The following SYNDIG1 variants were observed in gnomAD, a reference collection of about 807,000 sequenced individuals.
SYNDIG1 encodes synapse differentiation inducing 1.
In SYNDIG1, 9 loss-of-function variants were observed where a neutral mutation model predicts 19.4. The ratio of observed to expected loss-of-function variants is 0.46; its 90% CI spans 0.28 to 0.81. SYNDIG1 has a LOEUF of 0.81. Ranked by LOEUF, SYNDIG1 falls within the 30% of genes least tolerant of loss-of-function variation. The probability of loss-of-function intolerance (pLI) is 0.12; values close to 1 mark genes in which losing one functional copy is unlikely to be tolerated. For synonymous variants in SYNDIG1, 141 were observed against 145.9 expected (o/e 0.97, Z 0.24); for missense variants, 311 against 343.3 (o/e 0.91, Z 0.74).
At chr20:24,511,394 C>A (rs1372460948) in intron 1 of SYNDIG1, among the ~76,000 whole-genome samples, 3 of 152,154 alleles carry the variant, frequency 2.0e-5, no homozygotes, top group African/African-American at 7.2e-5. Flanking sequence ...GTGTTTTCAG[C>A]ATAGAACTTT....
At chr20:24,613,693 C>G (rs1371124334) in intron 3 of SYNDIG1, among the ~76,000 whole-genome samples, 1 of 152,192 alleles carries the variant, frequency 6.6e-6, no homozygotes, top group Non-Finnish European at 1.5e-5. Flanking sequence ...CTCCCAGAGC[C>G]CTTCTAGACT....
intron 2 of SYNDIG1, among the ~76,000 whole-genome samples, chr20:24,561,321 A>T (rs2057941551): frequency 6.6e-6 from 1 of 152,166 alleles, no homozygotes; most frequent in African/African-American, 2.4e-5. Context: ...CCTCATTTCC[A>T]GGAGCTCCCC....
At chr20:24,586,437 G>A (rs1476502861) in intron 3 of SYNDIG1, among the ~76,000 whole-genome samples, 1 of 152,214 alleles carries the variant, frequency 6.6e-6, no homozygotes, top group Non-Finnish European at 1.5e-5. Flanking sequence ...GCAGGCATGA[G>A]TGAACCCTGC....
chr20:24,617,185 G>A (rs1436314014), intron 3 of SYNDIG1, among the ~76,000 whole-genome samples: 2 of 152,128 alleles, frequency 1.3e-5, no homozygotes, highest in Non-Finnish European at 2.9e-5. Context: ...CTGCAGCACG[G>A]GGCCTGCACC....
chr20:24,491,255 A>C (rs1348708556), intron 1 of SYNDIG1, among the ~76,000 whole-genome samples: 1 of 152,206 alleles, frequency 6.6e-6, no homozygotes, highest in Non-Finnish European at 1.5e-5. Flanking sequence ...GACTCGTGGA[A>C]TACTTAATAA....
At chr20:24,521,304 C>T (rs2056998060) in intron 1 of SYNDIG1, among the ~76,000 whole-genome samples, 1 of 152,130 alleles carries the variant, frequency 6.6e-6, no homozygotes, top group Admixed American at 6.5e-5. Flanking sequence ...GTGTTGGAGT[C>T]ACTGCTTTCA....
At chr20:24,542,930 C>T (rs781517559) in intron 1 of SYNDIG1, 90 bp from the exon 2 acceptor site, 48 of 972,400 alleles carry the variant, frequency 4.9e-5, no homozygotes, top group Non-Finnish European at 7.2e-5. Flanking sequence ...TATCAGCTGG[C>T]TGGTACAGTC....
chr20:24,579,734 T>A (rs984857152), intron 2 of SYNDIG1, among the ~76,000 whole-genome samples: 1 of 152,164 alleles, frequency 6.6e-6, no homozygotes, highest in Non-Finnish European at 1.5e-5. Flanking sequence ...ATGTGGCCAT[T>A]GGGACCGCCA....
intron 1 of SYNDIG1, among the ~76,000 whole-genome samples, chr20:24,518,465 A>G (rs1165075022): frequency 6.6e-6 from 1 of 152,176 alleles, no homozygotes; most frequent in Non-Finnish European, 1.5e-5. Flanking sequence ...TGCTGTGGAA[A>G]CACGGTATAT....
intron 2 of SYNDIG1, among the ~76,000 whole-genome samples, chr20:24,577,387 C>A (rs1341931981): frequency 6.6e-6 from 1 of 152,256 alleles, no homozygotes; most frequent in Non-Finnish European, 1.5e-5. Context: ...CCCAAGTGGA[C>A]CCCTGGGGCT....
At chr20:24,569,409 T>C (rs574291886) in intron 2 of SYNDIG1, among the ~76,000 whole-genome samples, 1 of 152,154 alleles carries the variant, frequency 6.6e-6, no homozygotes, top group East Asian at 1.9e-4. Context: ...AATTCACTTA[T>C]AAAGTTCCAC....
At chr20:24,559,913 A>G (rs990772651) in intron 2 of SYNDIG1, among the ~76,000 whole-genome samples, 1 of 151,164 alleles carries the variant, frequency 6.6e-6, no homozygotes, top group Non-Finnish European at 1.5e-5. Context: ...CTGTTTTTCA[A>G]TAATGTAATT....
intron 1 of SYNDIG1, among the ~76,000 whole-genome samples, chr20:24,516,738 A>T (rs1438700150): frequency 1.3e-5 from 2 of 152,244 alleles, no homozygotes; most frequent in Non-Finnish European, 2.9e-5. Flanking sequence ...AACTAGTTCA[A>T]CCATTGTAGA....
intron 1 of SYNDIG1, among the ~76,000 whole-genome samples, chr20:24,509,204 A>G (rs1300419634): frequency 1.3e-5 from 2 of 152,202 alleles, no homozygotes; most frequent in African/African-American, 2.4e-5. Flanking sequence ...ACATGTGTGT[A>G]TGTATGTATA....
chr20:24,546,112 C>A (rs918915009), intron 2 of SYNDIG1, among the ~76,000 whole-genome samples: 2 of 152,156 alleles, frequency 1.3e-5, no homozygotes, highest in Non-Finnish European at 2.9e-5. Flanking sequence ...AGCCTCACCA[C>A]GGTGGTTAAC....
chr20:24,621,973 A>G (rs1183823536), intron 3 of SYNDIG1, among the ~76,000 whole-genome samples: 1 of 152,232 alleles, frequency 6.6e-6, no homozygotes, highest in Non-Finnish European at 1.5e-5. Context: ...CTTCTGCTCT[A>G]TACCATATGT....
At chr20:24,651,659 G>A (rs1263112182) in intron 3 of SYNDIG1, among the ~76,000 whole-genome samples, 2 of 152,240 alleles carry the variant, frequency 1.3e-5, no homozygotes, top group Non-Finnish European at 2.9e-5. Flanking sequence ...GGCTGTCACT[G>A]CAGTACACTA....
chr20:24,473,668 CCT>C (rs1206238731), intron 1 of SYNDIG1, among the ~76,000 whole-genome samples: 1 of 152,084 alleles, frequency 6.6e-6, no homozygotes, highest in Non-Finnish European at 1.5e-5. Flanking sequence ...CAGGCTACTC[CCT>C]CTTTCCCCCT....
At chr20:24,662,556 T>G (rs2059613952) in intron 3 of SYNDIG1, among the ~76,000 whole-genome samples, 1 of 152,132 alleles carries the variant, frequency 6.6e-6, no homozygotes, top group South Asian at 2.1e-4. Context: ...TGCCCTGGGC[T>G]GTTAAGGCTG....
Sources: gnomAD v4.1 joint callset for allele counts (sites outside exome capture counted in the v4.1 genomes callset) on GRCh38, gnomAD v4.1.1 for gene constraint, MANE v1.5 for transcripts, NCBI Gene and HGNC (gene_info 2026-07-23, HGNC 2026-07-21) for gene names.